Variants in CHN2 observed in about 807,000 individuals in gnomAD.
CHN2 encodes the protein beta-chimaerin.
Under a neutral mutation model 56.3 loss-of-function variants are expected in CHN2, and 35 were observed. The ratio of observed to expected loss-of-function variants is 0.62; its 90% CI spans 0.47 to 0.82. The LOEUF (loss-of-function observed/expected upper bound fraction) is 0.82, where lower values mean the gene tolerates loss of function less well. Ranked by LOEUF, CHN2 falls within the 40% of genes least tolerant of loss-of-function variation. The pLI is 0.00. For missense variants in CHN2, 491 were observed against 580.5 expected (o/e 0.85, Z 1.58); for synonymous variants, 210 against 212.8 (o/e 0.99, Z 0.12).
At chr7:29,331,969 G>A (rs56235037) in intron 1 of CHN2, among the ~76,000 whole-genome samples, 1,602 of 148,156 alleles carry the variant, frequency 0.011, 25 homozygotes, top group African/African-American at 0.038. Context: ...CCAAGATTGC[G>A]CCACGGCACT....
At chr7:29,495,444 A>G (rs1187824428) in intron 7 of CHN2, among the ~76,000 whole-genome samples, 3 of 152,194 alleles carry the variant, frequency 2.0e-5, no homozygotes, top group Admixed American at 6.5e-5. Flanking sequence ...ATGTTTAGCC[A>G]ACTCCTTTAC....
chr7:29,498,470 A>T (rs1789541165), intron 8 of CHN2, among the ~76,000 whole-genome samples: 1 of 152,160 alleles, frequency 6.6e-6, no homozygotes, highest in African/African-American at 2.4e-5. Flanking sequence ...TTTATTTTGA[A>T]AGGAGGTAGA....
Position 29,203,676 on chromosome 7 carries a change from A to G in CHN2, c.49+8686A>G, listed in dbSNP as rs1784322461. Among the ~76,000 whole-genome samples, 3 of 152,298 alleles carry G rather than the reference A, an allele frequency of 2.0e-5. No homozygotes were observed. The South Asian group carries it at 6.2e-4, about 32-fold the overall frequency. On this transcript the variant is annotated intron_variant, in intron 1 of 12. Coordinates refer to ENST00000222792, the MANE Select transcript of CHN2 (RefSeq NM_004067.4). The stretch of plus-strand genomic sequence containing the variant: ...TCTAACCTTGATCGCAGAATCTGCC[A>G]TACAAAACCTGCTGATGCACTGCTC...
At chr7:29,223,600 G>A (rs1785965464) in intron 1 of CHN2, among the ~76,000 whole-genome samples, 1 of 151,962 alleles carries the variant, frequency 6.6e-6, no homozygotes, top group African/African-American at 2.4e-5. Flanking sequence ...TCTACCTGTG[G>A]TTCATTCTTT....
chr7:29,218,670 G>A (rs1785527728), intron 1 of CHN2, among the ~76,000 whole-genome samples: 1 of 151,858 alleles, frequency 6.6e-6, no homozygotes, highest in Non-Finnish European at 1.5e-5. Context: ...GGATGAAACT[G>A]GAAACCATCA....
At chr7:29,508,531 A>G (rs1790884985) in intron 11 of CHN2, among the ~76,000 whole-genome samples, 2 of 151,892 alleles carry the variant, frequency 1.3e-5, no homozygotes, top group African/African-American at 4.8e-5. Context: ...TGTGAGATGC[A>G]CTTTTCGGAT....
upstream of CHN2, chr7:29,192,394 G>T (rs988084781): frequency 2.0e-5 from 3 of 152,168 alleles, no homozygotes; most frequent in Non-Finnish European, 4.4e-5. Context: ...ATGAGTATCC[G>T]AACTGCAGAA....
intron 6 of CHN2, among the ~76,000 whole-genome samples, chr7:29,432,213 C>G (rs1049879437): frequency 3.9e-5 from 6 of 152,134 alleles, no homozygotes; most frequent in Admixed American, 2.0e-4. Context: ...GTGTGCCTCA[C>G]TGTGAAATTC....
chr7:29,265,116 T>C (rs568194650), intron 1 of CHN2, among the ~76,000 whole-genome samples: 69 of 152,288 alleles, frequency 4.5e-4, no homozygotes, highest in African/African-American at 1.4e-3. Context: ...AGGGACGGCA[T>C]CATGGGCTGC....
At position 29,514,200 on chromosome 7, in the gene CHN2, G is replaced by T. The variant is rs1309525137; in HGVS notation, c.*1465G>T. The T allele has an allele frequency of 6.6e-6, 1 of 152,536 alleles. No homozygotes were observed. Among genetic ancestry groups the T allele is most frequent in the Non-Finnish European group, 1.5e-5 (1 of 68,008 alleles). The allele number at this position is 152,536 out of a possible 1,614,324, so 9.4% of individuals were successfully genotyped here. Reference sequence around the variant, plus strand: ...TACAGATTTGTTTGTTGTAGTTTATGTACTTCTTGATACTGTCAAAAAATT... The same window carrying T: ...TACAGATTTGTTTGTTGTAGTTTATTTACTTCTTGATACTGTCAAAAAATT... On this transcript the variant is annotated 3_prime_UTR_variant, in exon 13 of 13. Coordinates refer to ENST00000222792, the MANE Select transcript of CHN2 (RefSeq NM_004067.4).
chr7:29,220,226 T>G (rs563744841), intron 1 of CHN2, among the ~76,000 whole-genome samples: 7 of 149,226 alleles, frequency 4.7e-5, no homozygotes, highest in Non-Finnish European at 1.0e-4. Context: ...GCCAAGATCA[T>G]GCCACTGTAC....
rs111430737 is a variant in CHN2 at position 29,299,503 on chromosome 7, C to T, written c.50-55122C>T. Among the ~76,000 whole-genome samples the T allele has an allele frequency of 2.7e-3, 415 of 152,166 alleles. 2 individuals are homozygous for T. The highest frequency in any genetic ancestry group is 8.1e-3 in the African/African-American group (336 of 41,528). ...TTTTGCTCACTGTATCCAGCAACAC[C>T]GCCTCTGCTGCTTGCTAGCTCTTTG... On this transcript the variant is annotated intron_variant, in intron 1 of 12. Transcript: ENST00000222792.
At chr7:29,430,585 G>A (rs943588804) in intron 6 of CHN2, among the ~76,000 whole-genome samples, 8 of 152,116 alleles carry the variant, frequency 5.3e-5, no homozygotes, top group African/African-American at 1.9e-4. Flanking sequence ...GGCCACATTT[G>A]GTTGGCTAAA....
intron 7 of CHN2, among the ~76,000 whole-genome samples, chr7:29,486,992 C>T (rs930728338): frequency 2.0e-5 from 3 of 152,206 alleles, no homozygotes; most frequent in African/African-American, 7.2e-5. Context: ...CTCTCTCTTC[C>T]TCTTCCCCCT....
At chr7:29,243,115 G>A (rs180911026) in intron 1 of CHN2, among the ~76,000 whole-genome samples, 1 of 152,228 alleles carries the variant, frequency 6.6e-6, no homozygotes, top group East Asian at 1.9e-4. Flanking sequence ...AATCTAATCA[G>A]TTAATTACTA....
In CHN2 at chr7:29,448,949, G is replaced by A. The variant is rs59055599; in HGVS notation, c.577-31330G>A. 1.1e-3 allele frequency among the ~76,000 whole-genome samples: 163 copies of A among 152,260 alleles called. 3 individuals are homozygous for A. The East Asian group carries it at 0.024, about 22-fold the overall frequency. On this transcript the variant is annotated intron_variant, in intron 6 of 12. Coordinates refer to ENST00000222792, the MANE Select transcript of CHN2 (RefSeq NM_004067.4). ...GGCATGGTCCATACTAAATGTGTGC[G>A]GAATTTAATTCACTGTAAAAAATGG...
upstream of CHN2, chr7:29,192,835 CG>C (rs1562818886): frequency 6.6e-6 from 1 of 152,132 alleles, no homozygotes; most frequent in Non-Finnish European, 1.5e-5. Flanking sequence ...AAAATTCTAC[CG>C]GGCGACATAG....
chr7:29,322,094 A>G (rs1795403329), intron 1 of CHN2, among the ~76,000 whole-genome samples: 1 of 152,190 alleles, frequency 6.6e-6, no homozygotes, highest in South Asian at 2.1e-4. Flanking sequence ...TCAACCCCTC[A>G]GATAATTGAG....
intron 2 of CHN2, 71 bp downstream of exon 2, chr7:29,354,734 C>T (rs375470212): frequency 5.1e-6 from 7 of 1,366,232 alleles, no homozygotes; most frequent in South Asian, 3.5e-5. Flanking sequence ...TTCTTGCCAG[C>T]GATGTAGTGC....
Sources: gnomAD v4.1 joint callset for allele counts (sites outside exome capture counted in the v4.1 genomes callset) on GRCh38, gnomAD v4.1.1 for gene constraint, MANE v1.5 for transcripts, NCBI Gene and HGNC (gene_info 2026-07-23, HGNC 2026-07-21) for gene names.